The following LRIG3 variants were observed in gnomAD, a reference collection of about 807,000 sequenced individuals.
LRIG3 encodes leucine rich repeats and immunoglobulin like domains 3.
In LRIG3, 76 loss-of-function variants were observed where a neutral mutation model predicts 114.5. The observed-to-expected ratio is 0.66, with a 90% CI of 0.55 to 0.80. The LOEUF (loss-of-function observed/expected upper bound fraction) is 0.80, where lower values mean the gene tolerates loss of function less well. LRIG3 is among the 30% of genes least tolerant of loss of function. LRIG3 has a pLI of 0.00. For missense variants in LRIG3, 1,239 were observed against 1,382.8 expected, an observed-to-expected ratio of 0.90 and a Z score of 1.65; for synonymous variants, 512 against 519.8, an observed-to-expected ratio of 0.98 and a Z score of 0.20.
intron 6 of LRIG3, 49 bp from the exon 7 acceptor site, chr12:58,888,521 G>C: frequency 6.2e-7 from 1 of 1,601,406 alleles, no homozygotes; most frequent in Non-Finnish European, 8.5e-7. Flanking sequence ...TCATTATCTA[G>C]TCTCTTCAAA....
At chr12:58,906,313 C>T (rs1345148405) in intron 3 of LRIG3, among the ~76,000 whole-genome samples, 4 of 152,232 alleles carry the variant, frequency 2.6e-5, no homozygotes, top group South Asian at 4.1e-4. Context: ...GTCTACTGCA[C>T]GTTACTAAGA....
intron 3 of LRIG3, among the ~76,000 whole-genome samples, chr12:58,912,531 A>C (rs566653894): frequency 7.9e-5 from 12 of 152,310 alleles, no homozygotes; most frequent in Admixed American, 2.0e-4. Flanking sequence ...GGTTACTTAT[A>C]ATTTTCTAAC....
At chr12:58,918,126 C>T (rs531455829) in intron 1 of LRIG3, among the ~76,000 whole-genome samples, 36 of 152,154 alleles carry the variant, frequency 2.4e-4, no homozygotes, top group Non-Finnish European at 4.6e-4. Flanking sequence ...GTGATCACAG[C>T]AGGGTTCCTG....
In LRIG3 at chr12:58,877,535, C is replaced by CT. The variant is rs1870965260; in HGVS notation, c.2400dup (p.Asp801ArgfsTer3). 1 of 1,614,092 alleles carries CT rather than the reference C, an allele frequency of 6.2e-7. No individual in the cohort carries two copies. The highest frequency in any genetic ancestry group is 1.3e-5 in the African/African-American group (1 of 74,922). Reference sequence around the variant, plus strand: ...CCCACAGTGGCCCATCCGTCATCGTCTAACGATGGGGCTGTCATCTGAGGG... The same window carrying CT: ...CCCACAGTGGCCCATCCGTCATCGTCTTAACGATGGGGCTGTCATCTGAGGG... On this transcript the variant is annotated frameshift_variant, in exon 15 of 19. Coordinates refer to ENST00000320743, the MANE Select transcript of LRIG3 (RefSeq NM_153377.5). LOFTEE classifies it high-confidence loss of function.
chr12:58,893,622 C>G, intron 3 of LRIG3, among the ~76,000 whole-genome samples: 1 of 152,098 alleles, frequency 6.6e-6, no homozygotes, highest in Non-Finnish European at 1.5e-5. Context: ...TCCTAGGTCC[C>G]GGAGATGGAT....
intron 10 of LRIG3, among the ~76,000 whole-genome samples, chr12:58,885,386 G>C (rs1319831488): frequency 6.6e-6 from 1 of 152,056 alleles, no homozygotes; most frequent in Non-Finnish European, 1.5e-5. Context: ...CTGTCCAGTG[G>C]AATCAATAAA....
chr12:58,913,766 A>G, intron 3 of LRIG3: 1 of 489,942 alleles, frequency 2.0e-6, no homozygotes, highest in Non-Finnish European at 3.6e-6. Context: ...AACAACAGCA[A>G]AGTGTAAAGT....
intron 3 of LRIG3, among the ~76,000 whole-genome samples, chr12:58,905,943 G>A (rs1439906289): frequency 6.6e-6 from 1 of 152,064 alleles, no homozygotes; most frequent in Non-Finnish European, 1.5e-5. Flanking sequence ...TAGGTTTCAG[G>A]TATTCTGTTA....
chr12:58,872,535 G>T lies in LRIG3; in HGVS notation c.*37C>A. 6.6e-7 allele frequency: 1 copy of T among 1,521,484 alleles called. No homozygotes were observed. The highest frequency in any genetic ancestry group is 1.3e-5 in the South Asian group (1 of 75,190). The allele number at this position is 1,521,484 out of a possible 1,614,324, so 94.2% of individuals were successfully genotyped here. A position where few individuals can be genotyped will look rare whatever the true frequency, so the allele number is the denominator to read the frequency against. ...CTCTTTTAAATAAAAGTTCACTTGA[G>T]GTAGTATGTTAAGCTTTTCCTTTGG... is the stretch of plus-strand genomic sequence containing the variant. On this transcript the variant is annotated 3_prime_UTR_variant, in exon 19 of 19. Coordinates refer to ENST00000320743, the MANE Select transcript of LRIG3 (RefSeq NM_153377.5).
At chr12:58,919,957 T>C in intron 1 of LRIG3, 43 bp downstream of exon 1, 1 of 1,528,734 alleles carries the variant, frequency 6.5e-7, no homozygotes, top group Non-Finnish European at 8.9e-7. Flanking sequence ...TTCTCGAATC[T>C]CCAGCGGCCC....
At position 58,877,820 on chromosome 12, in the gene LRIG3, G is replaced by A. The variant is rs1031000751; in HGVS notation, c.2116C>T (p.Arg706Ter). The A allele has an allele frequency of 7.5e-6, 12 of 1,602,444 alleles. No homozygotes were observed. The highest frequency in any genetic ancestry group is 2.7e-5 in the African/African-American group (2 of 74,690). The change falls in exon 15 of 19, where the codon CGA becomes TGA. Residue 706 changes from arginine to a stop codon, truncating the protein, a stop_gained. Transcript: ENST00000320743. LOFTEE classifies it high-confidence loss of function. The part of the protein sequence containing the change: ...TPSFLRPLLD[R>*]TVTKGETAVL... ...GCTGTTTCTCCCTTGGTTACAGTTC[G>A]GTCCAACAGTGGCCGCAAAAATGAT...
chr12:58,906,411 T>C (rs1395044950), intron 3 of LRIG3, among the ~76,000 whole-genome samples: 1 of 152,162 alleles, frequency 6.6e-6, no homozygotes, highest in Non-Finnish European at 1.5e-5. Context: ...AATATCAATA[T>C]TACTTTAAAG....
intron 3 of LRIG3, among the ~76,000 whole-genome samples, chr12:58,906,087 G>T (rs1204775485): frequency 1.3e-5 from 2 of 151,954 alleles, no homozygotes; most frequent in Non-Finnish European, 2.9e-5. Flanking sequence ...CAAATTCCAT[G>T]GGTTTCTCTA....
At chr12:58,919,327 G>C (rs1872586854) in intron 1 of LRIG3, 1 of 1,502,884 alleles carries the variant, frequency 6.7e-7, no homozygotes, top group African/African-American at 1.4e-5. Flanking sequence ...GCGTTCTGAG[G>C]AGCTACAGAA....
At chr12:58,880,459 AG>A in intron 13 of LRIG3, 121 bp downstream of exon 13, 1 of 959,772 alleles carries the variant, frequency 1.0e-6, no homozygotes, top group Non-Finnish European at 1.6e-6. Flanking sequence ...AGGTAGGGAA[AG>A]GAAGAGTCAG....
chr12:58,904,039 G>C (rs927035820), intron 3 of LRIG3, among the ~76,000 whole-genome samples: 6 of 152,084 alleles, frequency 3.9e-5, no homozygotes, highest in Non-Finnish European at 8.8e-5. Flanking sequence ...GGATTGACTT[G>C]GCGATGCGGG....
At position 58,885,823 on chromosome 12, in the gene LRIG3, C is replaced by G; in HGVS notation, c.1244+8G>C. On this transcript the variant is annotated splice_region_variant and intron_variant, in intron 10 of 18. Coordinates refer to ENST00000320743, the MANE Select transcript of LRIG3 (RefSeq NM_153377.5). ...CTCTTTTAGGGTAACTAAATTCTAG[C>G]TACTCACAGATGCTCCAATGCATCC... is the stretch of plus-strand genomic sequence containing the variant. 6.4e-7 allele frequency: 1 copy of G among 1,551,932 alleles called. No homozygotes were observed. The highest frequency in any genetic ancestry group is 8.8e-7 in the Non-Finnish European group (1 of 1,140,404).
intron 3 of LRIG3, among the ~76,000 whole-genome samples, chr12:58,910,594 C>A (rs955435859): frequency 1.3e-5 from 2 of 151,932 alleles, no homozygotes; most frequent in South Asian, 2.1e-4. Flanking sequence ...GGTGACACTG[C>A]GAGACTCCGT....
At chr12:58,919,920 G>T in intron 1 of LRIG3, 80 bp downstream of exon 1, 1 of 1,365,576 alleles carries the variant, frequency 7.3e-7, no homozygotes, top group Non-Finnish European at 1.0e-6. Context: ...ACTGCACGCC[G>T]AACCCCATTC....
Sources: allele counts gnomAD v4.1 joint callset (sites outside exome capture counted in the v4.1 genomes callset), GRCh38; gene constraint gnomAD v4.1.1; transcripts MANE v1.5; gene names NCBI Gene and HGNC (gene_info 2026-07-23, HGNC 2026-07-21).